Variants in AHCYL2 observed in about 807,000 individuals in gnomAD.
AHCYL2 encodes S-adenosylhomocysteine hydrolase-like protein 2.
In AHCYL2, 28 loss-of-function variants were observed where a neutral mutation model predicts 81.4. The observed-to-expected ratio is 0.34, with a 90% CI of 0.25 to 0.47. AHCYL2 has a LOEUF of 0.47. Ranked by LOEUF, AHCYL2 falls within the 20% of genes least tolerant of loss-of-function variation. AHCYL2 has a pLI of 1.00. For synonymous variants in AHCYL2, 272 were observed against 290.2 expected (o/e 0.94, Z 0.64); for missense variants, 551 against 785.1 (o/e 0.70, Z 3.56).
intron 1 of AHCYL2, among the ~76,000 whole-genome samples, chr7:129,248,489 G>A (rs1459505118): frequency 7.1e-6 from 1 of 141,026 alleles, no homozygotes; most frequent in Non-Finnish European, 1.5e-5. Context: ...TTGTTGTGTT[G>A]TTACTATTTT....
intron 1 of AHCYL2, among the ~76,000 whole-genome samples, chr7:129,272,628 A>G (rs2150730149): frequency 6.6e-6 from 1 of 152,304 alleles, no homozygotes; most frequent in Non-Finnish European, 1.5e-5. Context: ...TAGTGATTCA[A>G]GGTTTATTGG....
At chr7:129,410,124 G>A (rs935497551) in intron 11 of AHCYL2, 28 of 1,563,356 alleles carry the variant, frequency 1.8e-5, no homozygotes, top group Middle Eastern at 3.6e-4. Flanking sequence ...TAAAATTCAA[G>A]ACTTCCAAAT....
intron 1 of AHCYL2, among the ~76,000 whole-genome samples, chr7:129,354,585 A>G (rs1793675289): frequency 6.6e-6 from 1 of 152,204 alleles, no homozygotes; most frequent in Admixed American, 6.5e-5. Flanking sequence ...CTGCCTATGT[A>G]TGGTTCCTTG....
chr7:129,347,199 A>G (rs1322173440), intron 1 of AHCYL2, among the ~76,000 whole-genome samples: 1 of 150,978 alleles, frequency 6.6e-6, no homozygotes, highest in Non-Finnish European at 1.5e-5. Context: ...TAATGCTACA[A>G]TGATGGGTAC....
At chr7:129,247,046 G>A (rs1289913335) in intron 1 of AHCYL2, among the ~76,000 whole-genome samples, 1 of 152,002 alleles carries the variant, frequency 6.6e-6, no homozygotes. Flanking sequence ...AAATCTTTTG[G>A]CAGACATATA....
At chr7:129,287,480 A>G (rs1444441093) in intron 1 of AHCYL2, among the ~76,000 whole-genome samples, 1 of 152,216 alleles carries the variant, frequency 6.6e-6, no homozygotes, top group African/African-American at 2.4e-5. Context: ...AACTCCAAGC[A>G]CTGTACCGGG....
At chr7:129,353,167 C>T (rs187475441) in intron 1 of AHCYL2, among the ~76,000 whole-genome samples, 8 of 152,104 alleles carry the variant, frequency 5.3e-5, no homozygotes, top group Non-Finnish European at 7.4e-5. Context: ...AGGCTGGTCT[C>T]GAACTCCTGA....
intron 1 of AHCYL2, among the ~76,000 whole-genome samples, chr7:129,258,041 A>T (rs1159016182): frequency 6.6e-6 from 1 of 152,186 alleles, no homozygotes; most frequent in Non-Finnish European, 1.5e-5. Context: ...GTAAAACTTC[A>T]TTTCTGTATG....
At chr7:129,303,061 C>T (rs148719810) in intron 1 of AHCYL2, among the ~76,000 whole-genome samples, 32 of 152,226 alleles carry the variant, frequency 2.1e-4, no homozygotes, top group Middle Eastern at 3.4e-3. Context: ...AGTGCAATGA[C>T]GTGATCTTGG....
chr7:129,258,748 C>A (rs1795517472), intron 1 of AHCYL2, among the ~76,000 whole-genome samples: 1 of 152,024 alleles, frequency 6.6e-6, no homozygotes, highest in Non-Finnish European at 1.5e-5. Flanking sequence ...TTTTGAGTAG[C>A]CTGAGTTTTG....
chr7:129,404,620 A>G (rs1796212342), intron 7 of AHCYL2, among the ~76,000 whole-genome samples: 1 of 152,250 alleles, frequency 6.6e-6, no homozygotes, highest in South Asian at 2.1e-4. Context: ...GGTTGCAGTA[A>G]GCTGAGATCA....
At chr7:129,265,549 C>G (rs765959708) in intron 1 of AHCYL2, among the ~76,000 whole-genome samples, 4 of 152,128 alleles carry the variant, frequency 2.6e-5, no homozygotes, top group South Asian at 2.1e-4. Flanking sequence ...GGAAGTTTAT[C>G]AGACATTTTT....
rs573501006 is a variant in AHCYL2, at chr7:129,321,715, G to A, written c.364-57923G>A. 6.9e-5 allele frequency among the ~76,000 whole-genome samples: 9 copies of A among 130,418 alleles called. No individual in the cohort carries two copies. In the South Asian group the frequency reaches 2.1e-3, roughly 30 times the overall value. 85.6% of individuals were successfully genotyped at this position (130,418 alleles called of 152,430 possible). ...ATTTCTCCTTCAGTTTTCTGGGAGC[G>A]TTTGTATGGAATTTGTATTCTTTCT... On this transcript the variant is annotated intron_variant, in intron 1 of 16. Transcript: ENST00000325006.
intron 1 of AHCYL2, among the ~76,000 whole-genome samples, chr7:129,357,919 G>A (rs1409705588): frequency 5.4e-5 from 8 of 149,316 alleles, no homozygotes; most frequent in Admixed American, 2.0e-4. Flanking sequence ...GGGTGACAGG[G>A]CGAGACTCCA....
At chr7:129,411,350 C>T (rs1030784902) in intron 11 of AHCYL2, among the ~76,000 whole-genome samples, 3 of 152,170 alleles carry the variant, frequency 2.0e-5, no homozygotes, top group African/African-American at 4.8e-5. Context: ...ATTCCATCCT[C>T]CATCATCCGC....
At chr7:129,339,785 C>T (rs1793096900) in intron 1 of AHCYL2, among the ~76,000 whole-genome samples, 1 of 152,154 alleles carries the variant, frequency 6.6e-6, no homozygotes, top group Non-Finnish European at 1.5e-5. Context: ...CCCACCTCAG[C>T]CTCCCAAAGT....
At chr7:129,413,384 G>A (rs184481018) in intron 11 of AHCYL2, among the ~76,000 whole-genome samples, 10 of 151,254 alleles carry the variant, frequency 6.6e-5, no homozygotes, top group East Asian at 2.0e-4. Flanking sequence ...CTTGTGATCC[G>A]CCCGTCTCAG....
At position 129,406,523 on chromosome 7, in the gene AHCYL2, C is replaced by A; in HGVS notation, c.1295+57C>A. On this transcript the variant is annotated intron_variant, in intron 10 of 16. Coordinates refer to ENST00000325006, the MANE Select transcript of AHCYL2 (RefSeq NM_015328.4). This position sits in a 1 kb window ranked among gnomAD's most constrained non-coding sequence, Gnocchi z 4.3. The stretch of plus-strand genomic sequence containing the variant: ...TCTCGGAGCTGTCTCCAAAGAATGG[C>A]CTGGTTGATGCCACACTTTATTTTA... 6.6e-6 allele frequency: 10 copies of A among 1,522,114 alleles called. No individual in the cohort carries two copies. Among genetic ancestry groups the A allele is most frequent in the Non-Finnish European group, 9.1e-6 (10 of 1,096,380 alleles). The allele number at this position is 1,522,114 out of a possible 1,614,324, so 94.3% of individuals were successfully genotyped here.
At chr7:129,302,150 C>G (rs2263406) in intron 1 of AHCYL2, among the ~76,000 whole-genome samples, 152,015 of 152,320 alleles carry the variant, frequency 1, 75,856 homozygotes, top group Middle Eastern at 1. Context: ...TTATAAATGG[C>G]GTTACTTCCT....
Sources: allele counts gnomAD v4.1 joint callset (sites outside exome capture counted in the v4.1 genomes callset), GRCh38; gene constraint gnomAD v4.1.1; non-coding constraint Gnocchi (gnomAD v3.1); transcripts MANE v1.5; gene names NCBI Gene and HGNC (gene_info 2026-07-23, HGNC 2026-07-21).